The following DLGAP1 variants were observed in gnomAD, a reference collection of about 807,000 sequenced individuals.
DLGAP1 encodes DLG associated protein 1, also known as disks large-associated protein 1.
A neutral mutation model predicts 90.8 loss-of-function variants in DLGAP1; 11 were observed. The observed-to-expected ratio is 0.12, with a 90% CI of 0.08 to 0.20. The LOEUF is 0.20. Ranked by LOEUF, DLGAP1 falls within the 10% of genes least tolerant of loss-of-function variation. The pLI, the probability that DLGAP1 is intolerant of heterozygous loss-of-function variation, is 1.00. For synonymous variants in DLGAP1, 558 were observed against 540.7 expected, an observed-to-expected ratio of 1.03 and a Z score of -0.44; for missense variants, 1,050 against 1,333.8, an observed-to-expected ratio of 0.79 and a Z score of 3.31.
rs2059371882 is a variant in DLGAP1, at chr18:3,653,163, A to C, written c.1592-70915T>G. Among the ~76,000 whole-genome samples, 1 of 152,146 alleles carries C rather than the reference A, an allele frequency of 6.6e-6. No homozygotes were observed. Among genetic ancestry groups the C allele is most frequent in the Admixed American group, 6.5e-5 (1 of 15,280 alleles). On this transcript the variant is annotated intron_variant, in intron 7 of 12. Coordinates refer to ENST00000315677, the MANE Select transcript of DLGAP1 (RefSeq NM_004746.4). This position sits in a 1 kb window ranked among gnomAD's most constrained non-coding sequence, Gnocchi z 4.6. ...TCTCCCTGCTCCAGTTTCAAGAGAA[A>C]AGACCTTATTCAGAGAAATATTTAG...
At chr18:4,372,848 A>G (rs1460255950) in intron 1 of DLGAP1, among the ~76,000 whole-genome samples, 3 of 152,082 alleles carry the variant, frequency 2.0e-5, no homozygotes, top group Non-Finnish European at 2.9e-5. Flanking sequence ...GAATCACTTG[A>G]ACCCAGGAGG....
chr18:3,636,681 G>A (rs2058728115), intron 7 of DLGAP1, among the ~76,000 whole-genome samples: 1 of 149,058 alleles, frequency 6.7e-6, no homozygotes. Context: ...CTCCCAAAGT[G>A]TTGGGATTAC....
intron 1 of DLGAP1, among the ~76,000 whole-genome samples, chr18:4,358,364 G>C (rs1339188490): frequency 6.6e-6 from 1 of 152,136 alleles, no homozygotes; most frequent in Admixed American, 6.5e-5. Flanking sequence ...AAAATAATTA[G>C]TCCTGAGGGC....
intron 6 of DLGAP1, among the ~76,000 whole-genome samples, chr18:3,740,857 G>A (rs1244318077): frequency 1.0e-5 from 1 of 97,272 alleles, no homozygotes; most frequent in African/African-American, 4.0e-5. Flanking sequence ...CCACCATCAC[G>A]ACCACCACCG....
chr18:3,904,186 C>A (rs2071846046), intron 3 of DLGAP1, among the ~76,000 whole-genome samples: 1 of 152,212 alleles, frequency 6.6e-6, no homozygotes, highest in South Asian at 2.1e-4. Flanking sequence ...TGAATGATAG[C>A]ATGTTAGACT....
intron 5 of DLGAP1, among the ~76,000 whole-genome samples, chr18:3,743,416 G>A (rs182668135): frequency 6.8e-4 from 99 of 144,942 alleles, no homozygotes; most frequent in African/African-American, 2.2e-3. Flanking sequence ...GTGCAGTGGC[G>A]CAACTTTGGC....
chr18:4,028,606 AC>A (rs1314004235), intron 2 of DLGAP1, among the ~76,000 whole-genome samples: 1 of 152,244 alleles, frequency 6.6e-6, no homozygotes, highest in African/African-American at 2.4e-5. Flanking sequence ...ATATGTCAAT[AC>A]AAAAGAAAAT....
chr18:4,112,111 A>G (rs2075984960), intron 2 of DLGAP1, among the ~76,000 whole-genome samples: 1 of 151,912 alleles, frequency 6.6e-6, no homozygotes, highest in African/African-American at 2.4e-5. Context: ...TACAATCCAT[A>G]CATTTTGGTA....
At position 3,499,179 on chromosome 18, in the gene DLGAP1, G is replaced by T; in HGVS notation, c.*6C>A. On this transcript the variant is annotated 3_prime_UTR_variant, in exon 13 of 13. Coordinates refer to ENST00000315677, the MANE Select transcript of DLGAP1 (RefSeq NM_004746.4). The surrounding 1 kb of genome is among the most constrained non-coding windows in gnomAD (Gnocchi z 6.4). Reference sequence around the variant, plus strand: ...GCTTGGCGGCGGCGGCCGGGCTGCGGGGCGCTCAGAGCCGGGTCTGCGCCT... The same window carrying T: ...GCTTGGCGGCGGCGGCCGGGCTGCGTGGCGCTCAGAGCCGGGTCTGCGCCT... 6.4e-7 allele frequency: 1 copy of T among 1,559,226 alleles called. No individual in the cohort carries two copies. The highest frequency in any genetic ancestry group is 8.6e-7 in the Non-Finnish European group (1 of 1,159,462).
At chr18:3,905,429 AAAAGTAT>A (rs1370916697) in intron 3 of DLGAP1, among the ~76,000 whole-genome samples, 2 of 151,448 alleles carry the variant, frequency 1.3e-5, no homozygotes, top group East Asian at 3.9e-4. Flanking sequence ...AAGAACCAAA[AAAAGTAT>A]AAAGAGAATT....
In DLGAP1 at chr18:4,454,039, C is replaced by G. The variant is rs2083904226; in HGVS notation, c.-267+967G>C. On this transcript the variant is annotated intron_variant, in intron 1 of 12. Coordinates refer to ENST00000315677, the MANE Select transcript of DLGAP1 (RefSeq NM_004746.4). The surrounding 1 kb of genome is among the most constrained non-coding windows in gnomAD (Gnocchi z 4.7). ...CGAGCGCGGCACTCGGACACAGGCACTCAGTGTCTCCGGCGCCGGCAGCCG... is the reference window on the plus strand; with the variant it reads ...CGAGCGCGGCACTCGGACACAGGCAGTCAGTGTCTCCGGCGCCGGCAGCCG... 6.6e-6 allele frequency among the ~76,000 whole-genome samples: 1 copy of G among 152,232 alleles called. No homozygotes were observed. Among genetic ancestry groups the G allele is most frequent in the Non-Finnish European group, 1.5e-5 (1 of 68,042 alleles).
chr18:3,762,553 T>C (rs978307423), intron 5 of DLGAP1, among the ~76,000 whole-genome samples: 1 of 152,222 alleles, frequency 6.6e-6, no homozygotes, highest in South Asian at 2.1e-4. Flanking sequence ...CTTCATATTC[T>C]GACTTCACTT....
chr18:4,430,317 A>G (rs969822515), intron 1 of DLGAP1, among the ~76,000 whole-genome samples: 3 of 152,192 alleles, frequency 2.0e-5, no homozygotes, highest in African/African-American at 4.8e-5. Flanking sequence ...GTTTATAGCT[A>G]AAAAGCGATA....
intron 7 of DLGAP1, among the ~76,000 whole-genome samples, chr18:3,697,943 CT>C (rs769322317): frequency 3.9e-5 from 6 of 152,120 alleles, no homozygotes; most frequent in Non-Finnish European, 7.4e-5. Context: ...ATGTAATGCC[CT>C]TCTTAGTCTT....
chr18:4,120,153 G>A (rs528887222), intron 2 of DLGAP1, among the ~76,000 whole-genome samples: 46 of 152,220 alleles, frequency 3.0e-4, no homozygotes, highest in Middle Eastern at 3.4e-3. Context: ...TATTTATTAG[G>A]AGACCTTTAA....
chr18:4,189,185 G>A (rs2077351560), intron 1 of DLGAP1, among the ~76,000 whole-genome samples: 1 of 152,010 alleles, frequency 6.6e-6, no homozygotes, highest in South Asian at 2.1e-4. Context: ...TTACCAATGA[G>A]TATGTATTAT....
intron 5 of DLGAP1, chr18:3,769,867 A>T (rs1270273245): frequency 6.6e-6 from 1 of 152,072 alleles, no homozygotes. Context: ...AAAACTGGGT[A>T]TAAGGTGCAT....
At chr18:4,079,395 G>A (rs2075571824) in intron 2 of DLGAP1, among the ~76,000 whole-genome samples, 1 of 151,662 alleles carries the variant, frequency 6.6e-6, no homozygotes, top group African/African-American at 2.4e-5. Flanking sequence ...CAATTTGGAT[G>A]GAGTTGGAGG....
intron 2 of DLGAP1, among the ~76,000 whole-genome samples, chr18:4,049,524 A>G (rs1477862060): frequency 6.6e-6 from 1 of 152,072 alleles, no homozygotes; most frequent in African/African-American, 2.4e-5. Context: ...TCTGAACCTG[A>G]CTTCCCTCTG....
Sources: allele counts gnomAD v4.1 joint callset (sites outside exome capture counted in the v4.1 genomes callset), GRCh38; gene constraint gnomAD v4.1.1; non-coding constraint Gnocchi (gnomAD v3.1); transcripts MANE v1.5; gene names NCBI Gene and HGNC (gene_info 2026-07-23, HGNC 2026-07-21).